Variants in GARIN1A observed in about 807,000 individuals in gnomAD.
GARIN1A encodes golgi associated RAB2 interactor 1A.
At chr7:128,677,613 C>A in the GARIN1A span, 1 of 1,613,426 alleles carries the variant, frequency 6.2e-7, no homozygotes. Flanking sequence ...CCGGCTCCAG[C>A]GCATCCTGAG....
chr7:128,673,639 T>C, the GARIN1A span, among the ~76,000 whole-genome samples: 1 of 152,166 alleles, frequency 6.6e-6, no homozygotes, highest in Non-Finnish European at 1.5e-5. Context: ...TGGGCTTAAT[T>C]TGGAGACTCT....
At chr7:128,677,598 T>A in the GARIN1A span, 2 of 1,608,494 alleles carry the variant, frequency 1.2e-6, no homozygotes, top group South Asian at 2.2e-5. Context: ...GCTACGAATC[T>A]ACGACCGGCT....
the GARIN1A span, among the ~76,000 whole-genome samples, chr7:128,678,675 G>A: frequency 6.6e-6 from 1 of 151,920 alleles, no homozygotes; most frequent in South Asian, 2.1e-4. Flanking sequence ...ATGGTGGCAG[G>A]CCCCTATAAT....
chr7:128,678,888 T>C, the GARIN1A span, among the ~76,000 whole-genome samples: 2 of 151,704 alleles, frequency 1.3e-5, no homozygotes, highest in African/African-American at 4.8e-5. Flanking sequence ...GTATAATAGG[T>C]AAAGAAGTGG....
At chr7:128,692,587 CTT>C in the GARIN1A span, among the ~76,000 whole-genome samples, 1 of 152,184 alleles carries the variant, frequency 6.6e-6, no homozygotes, top group African/African-American at 2.4e-5. Context: ...AAAAATGCAT[CTT>C]AAAGTTTCTG....
At chr7:128,682,944 A>AAT in the GARIN1A span, 1 of 1,544,212 alleles carries the variant, frequency 6.5e-7, no homozygotes, top group Non-Finnish European at 8.7e-7. Context: ...ATAACCCCAA[A>AAT]ATTCCCTGGG....
At chr7:128,685,539 G>A in the GARIN1A span, 1 of 152,244 alleles carries the variant, frequency 6.6e-6, no homozygotes, top group African/African-American at 2.4e-5. Context: ...TGGCTGAATT[G>A]AGTCAGAAAA....
the GARIN1A span, among the ~76,000 whole-genome samples, chr7:128,674,457 TTAGTTA>T: frequency 2.3e-4 from 35 of 152,232 alleles, no homozygotes; most frequent in South Asian, 6.2e-4. Context: ...AACCCACATA[TTAGTTA>T]TAGTTATAGT....
At chr7:128,676,293 A>G in the GARIN1A span, among the ~76,000 whole-genome samples, 354 of 81,814 alleles carry the variant, frequency 4.3e-3, 2 homozygotes, top group Non-Finnish European at 4.4e-3. Flanking sequence ...TACAGGCGTG[A>G]GCCACCGCGC....
the GARIN1A span, chr7:128,677,520 AG>A: frequency 4.8e-6 from 7 of 1,473,278 alleles, no homozygotes; most frequent in South Asian, 1.4e-5. Flanking sequence ...AAAAAAAAAA[AG>A]AAACCACGGG....
the GARIN1A span, among the ~76,000 whole-genome samples, chr7:128,678,490 T>C: frequency 6.6e-6 from 1 of 152,194 alleles, no homozygotes; most frequent in East Asian, 1.9e-4. Context: ...TCATACCAAA[T>C]TATACTCTCA....
At chr7:128,707,984 CTT>C in the GARIN1A span, among the ~76,000 whole-genome samples, 1 of 148,746 alleles carries the variant, frequency 6.7e-6, no homozygotes, top group Non-Finnish European at 1.5e-5. Flanking sequence ...CTCTCTCTCT[CTT>C]TCTCCTTCCT....
At chr7:128,694,037 T>C in the GARIN1A span, 3,019 of 152,342 alleles carry the variant, frequency 0.02, 47 homozygotes, top group South Asian at 0.052. Context: ...TTGTAGTTTC[T>C]TAGGTTCCTC....
chr7:128,680,626 G>A, the GARIN1A span, among the ~76,000 whole-genome samples: 8 of 148,182 alleles, frequency 5.4e-5, no homozygotes, highest in Admixed American at 1.4e-4. Flanking sequence ...GTGCAATGGC[G>A]TGATGTCAGC....
the GARIN1A span, among the ~76,000 whole-genome samples, chr7:128,699,189 A>G: frequency 2.0e-5 from 3 of 152,056 alleles, no homozygotes; most frequent in Admixed American, 2.0e-4. Flanking sequence ...TGTATTACAA[A>G]AATATTGTTC....
the GARIN1A span, among the ~76,000 whole-genome samples, chr7:128,702,621 A>G: frequency 2.0e-5 from 3 of 152,350 alleles, no homozygotes; most frequent in Admixed American, 2.0e-4. Context: ...AGGCAGAATA[A>G]ATGAAGGAAA....
chr7:128,705,640 G>C, the GARIN1A span, among the ~76,000 whole-genome samples: 11 of 145,606 alleles, frequency 7.6e-5, no homozygotes, highest in Admixed American at 7.8e-4. Flanking sequence ...GGCGCCAAAT[G>C]GTGATTTTTT....
the GARIN1A span, among the ~76,000 whole-genome samples, chr7:128,679,102 T>C: frequency 6.6e-6 from 1 of 151,430 alleles, no homozygotes; most frequent in East Asian, 1.9e-4. Context: ...TATATATATA[T>C]ATATTAATGC....
At chr7:128,672,569 G>A in the GARIN1A span, 8 of 1,594,212 alleles carry the variant, frequency 5.0e-6, no homozygotes, top group Non-Finnish European at 6.8e-6. Flanking sequence ...GTGGAGCTCA[G>A]GGCCAGCTGT....
Sources: allele counts gnomAD v4.1 joint callset (sites outside exome capture counted in the v4.1 genomes callset), GRCh38; gene constraint gnomAD v4.1.1; transcripts MANE v1.5; gene names NCBI Gene and HGNC (gene_info 2026-07-23, HGNC 2026-07-21).